NIPAL2: variants seen among roughly 807,000 people sequenced by gnomAD.
NIPAL2 encodes the protein NIPA-like protein 2.
In NIPAL2, 43 loss-of-function variants were observed where a neutral mutation model predicts 48.9. The ratio of observed to expected loss-of-function variants is 0.88; its 90% CI spans 0.69 to 1.13. The LOEUF (loss-of-function observed/expected upper bound fraction) is 1.13, where lower values mean the gene tolerates loss of function less well. NIPAL2 is among the 50% of genes most tolerant of loss of function. NIPAL2 has a pLI of 0.00. For synonymous variants in NIPAL2, 167 were observed against 174.6 expected (o/e 0.96, Z 0.34); for missense variants, 446 against 461.4 (o/e 0.97, Z 0.31).
intron 4 of NIPAL2, among the ~76,000 whole-genome samples, chr8:98,233,244 C>A (rs1007500898): frequency 7.3e-5 from 11 of 150,364 alleles, no homozygotes; most frequent in African/African-American, 2.0e-4. Context: ...GGCAACAGAG[C>A]GAGACTCCAT....
chr8:98,192,867 G>T lies in NIPAL2; in HGVS notation c.*111C>A. On this transcript the variant is annotated 3_prime_UTR_variant, in exon 11 of 11. Transcript: ENST00000430223. ...CTGAGGTGGGGGAAAGGACTGAAAT[G>T]AATGCTAGCACATGTTAGCTTATAA... The T allele has an allele frequency of 2.9e-6, 2 of 696,692 alleles. No individual in the cohort carries two copies. Among genetic ancestry groups the T allele is most frequent in the African/African-American group, 1.8e-5 (1 of 56,694 alleles). The allele number at this position is 696,692 out of a possible 1,614,324, so 43.2% of individuals were successfully genotyped here.
At chr8:98,211,136 C>A (rs570461631) in intron 6 of NIPAL2, among the ~76,000 whole-genome samples, 3 of 152,296 alleles carry the variant, frequency 2.0e-5, no homozygotes, top group Non-Finnish European at 4.4e-5. Context: ...GAATCATTTT[C>A]AAAATCAATC....
At chr8:98,195,077 T>C (rs1810483432) in intron 9 of NIPAL2, among the ~76,000 whole-genome samples, 1 of 152,196 alleles carries the variant, frequency 6.6e-6, no homozygotes, top group Non-Finnish European at 1.5e-5. Context: ...CTCAAAACCC[T>C]TGGGGACACC....
At chr8:98,224,182 A>C (rs1316143885) in intron 4 of NIPAL2, among the ~76,000 whole-genome samples, 1 of 152,150 alleles carries the variant, frequency 6.6e-6, no homozygotes, top group Non-Finnish European at 1.5e-5. Flanking sequence ...ATATGGCAAA[A>C]TTCCAACAAT....
intron 8 of NIPAL2, among the ~76,000 whole-genome samples, chr8:98,198,107 C>T (rs1810632456): frequency 6.6e-6 from 1 of 152,152 alleles, no homozygotes; most frequent in Non-Finnish European, 1.5e-5. Flanking sequence ...ACTCATTGAT[C>T]CATGGGCTGC....
intron 1 of NIPAL2, among the ~76,000 whole-genome samples, chr8:98,268,876 T>A (rs993093324): frequency 3.3e-5 from 5 of 152,286 alleles, no homozygotes; most frequent in Admixed American, 1.3e-4. Context: ...ATGTTAGACA[T>A]ACTTTAATTA....
chr8:98,192,207 T>C lies in NIPAL2; in HGVS notation c.*771A>G, dbSNP rs576289159. 1 of 152,360 alleles carries C rather than the reference T, an allele frequency of 6.6e-6. No individual in the cohort carries two copies. The highest frequency in any genetic ancestry group is 2.4e-5 in the African/African-American group (1 of 41,578). 9.4% of individuals were successfully genotyped at this position (152,360 alleles called of 1,614,324 possible). On this transcript the variant is annotated 3_prime_UTR_variant, in exon 11 of 11. Transcript: ENST00000430223. The stretch of plus-strand genomic sequence containing the variant: ...AATAAACAAACATTAGTCCTACTTT[T>C]TGTCTCTAACGCTTCATGAATTTAT...
chr8:98,212,478 G>A lies in NIPAL2; in HGVS notation c.582C>T (p.Cys194=). 1 of 1,505,794 alleles carries A rather than the reference G, an allele frequency of 6.6e-7. No homozygotes were observed. Among genetic ancestry groups the A allele is most frequent in the Non-Finnish European group, 9.2e-7 (1 of 1,082,752 alleles). The allele number at this position is 1,505,794 out of a possible 1,614,324, so 93.3% of individuals were successfully genotyped here. The change falls in exon 6 of 11, where the codon TGC becomes TGT. Residue 194 remains cysteine, a synonymous_variant. Coordinates refer to ENST00000430223, the MANE Select transcript of NIPAL2 (RefSeq NM_001321635.2). The stretch of plus-strand genomic sequence containing the variant: ...TTCTTTTATAGAAATACAGGAGAAT[G>A]CAGAAAATTAATATTTCTAAAATCT... ...IYVILEILIF[C]ILLYFYKRKG... is the part of the protein sequence containing the mutation.
intron 7 of NIPAL2, 35 bp from the exon 8 acceptor site, chr8:98,203,231 T>C (rs1586298696): frequency 3.8e-6 from 5 of 1,309,562 alleles, no homozygotes; most frequent in Non-Finnish European, 5.4e-6. Context: ...GCTTTGGCTT[T>C]AGGAGACATT....
intron 4 of NIPAL2, among the ~76,000 whole-genome samples, chr8:98,232,879 T>TA (rs1412554023): frequency 6.6e-6 from 1 of 152,240 alleles, no homozygotes; most frequent in African/African-American, 2.4e-5. Flanking sequence ...GGATTGTTCC[T>TA]ACATTCAAAT....
intron 1 of NIPAL2, among the ~76,000 whole-genome samples, chr8:98,287,457 G>T (rs182297191): frequency 1.5e-4 from 23 of 152,324 alleles, no homozygotes; most frequent in Admixed American, 1.3e-3. Context: ...TAGATGCAGA[G>T]AAATAGTGGT....
At chr8:98,226,888 A>T (rs1812204874) in intron 4 of NIPAL2, among the ~76,000 whole-genome samples, 1 of 152,162 alleles carries the variant, frequency 6.6e-6, no homozygotes, top group Non-Finnish European at 1.5e-5. Context: ...GGGTCCAGAG[A>T]TGCTGTCCAG....
rs1810272574 is a variant in NIPAL2 at position 98,190,734 on chromosome 8, G to A, written c.*2244C>T. The A allele has an allele frequency of 6.6e-6, 1 of 152,210 alleles. No individual in the cohort carries two copies. The highest frequency in any genetic ancestry group is 1.5e-5 in the Non-Finnish European group (1 of 68,040). The allele number at this position is 152,210 out of a possible 1,614,324, so 9.4% of individuals were successfully genotyped here. On this transcript the variant is annotated 3_prime_UTR_variant, in exon 11 of 11. Coordinates refer to ENST00000430223, the MANE Select transcript of NIPAL2 (RefSeq NM_001321635.2). ...GGTAGTTGGGACAGACACCATGTCT[G>A]TCTGTTGGTACAGACAACACAAACT... is the stretch of plus-strand genomic sequence containing the variant.
chr8:98,282,802 C>G (rs942067277), intron 1 of NIPAL2, among the ~76,000 whole-genome samples: 16 of 152,194 alleles, frequency 1.1e-4, no homozygotes, highest in African/African-American at 2.7e-4. Flanking sequence ...CTCCTTTGTT[C>G]TTGTAGATAA....
chr8:98,226,864 C>T (rs1586350214), intron 4 of NIPAL2, among the ~76,000 whole-genome samples: 2 of 152,152 alleles, frequency 1.3e-5, no homozygotes. Context: ...GACAAGTTCC[C>T]CTAGGCCCTG....
At chr8:98,240,484 A>G (rs776706560) in intron 3 of NIPAL2, among the ~76,000 whole-genome samples, 11 of 152,010 alleles carry the variant, frequency 7.2e-5, no homozygotes, top group Non-Finnish European at 1.6e-4. Context: ...CAGGTGGGAG[A>G]TGTTTATAAA....
chr8:98,214,922 C>G (rs2130732647), intron 5 of NIPAL2, among the ~76,000 whole-genome samples: 1 of 152,328 alleles, frequency 6.6e-6, no homozygotes. Flanking sequence ...AAACAGCCAT[C>G]AAAACATTGG....
At chr8:98,271,952 T>A (rs931524192) in intron 1 of NIPAL2, among the ~76,000 whole-genome samples, 2 of 152,078 alleles carry the variant, frequency 1.3e-5, no homozygotes, top group African/African-American at 4.8e-5. Flanking sequence ...ATTGAGATGA[T>A]CATGTCTGTT....
intron 3 of NIPAL2, among the ~76,000 whole-genome samples, chr8:98,242,422 A>G (rs533806974): frequency 6.6e-6 from 1 of 150,704 alleles, no homozygotes; most frequent in African/African-American, 2.4e-5. Context: ...TCTGGGCTCA[A>G]TTGATTCTCC....
Sources: gnomAD v4.1 joint callset for allele counts (sites outside exome capture counted in the v4.1 genomes callset) on GRCh38, gnomAD v4.1.1 for gene constraint, MANE v1.5 for transcripts, NCBI Gene and HGNC (gene_info 2026-07-23, HGNC 2026-07-21) for gene names.